The following PCDHA13 variants were observed in gnomAD, a reference collection of about 807,000 sequenced individuals.
The protein encoded by PCDHA13 is protocadherin alpha-13.
PCDHA13 carries 54 observed loss-of-function variants against 64.8 expected under a neutral mutation model. The ratio of observed to expected loss-of-function variants is 0.83; its 90% CI spans 0.67 to 1.04. PCDHA13 has a LOEUF of 1.04. Ranked by LOEUF, PCDHA13 falls within the 50% of genes least tolerant of loss-of-function variation. The pLI is 0.00. For synonymous variants in PCDHA13, 587 were observed against 564.4 expected (o/e 1.04, Z -0.57); for missense variants, 1,248 against 1,254.3 (o/e 0.99, Z 0.08).
At chr5:140,951,723 A>C (rs1364455679) in intron 1 of PCDHA13, among the ~76,000 whole-genome samples, 1 of 152,104 alleles carries the variant, frequency 6.6e-6, no homozygotes, top group African/African-American at 2.4e-5. Context: ...GATCCAAACC[A>C]TGTCATTCTG....
rs146587864 is a variant in PCDHA13 at position 140,950,030 on chromosome 5, A to G, written c.2395-28919A>G. Among the ~76,000 whole-genome samples the G allele has an allele frequency of 2.6e-4, 39 of 152,064 alleles. 1 individual carries two copies. The East Asian group carries it at 4.8e-3, about 19-fold the overall frequency. On this transcript the variant is annotated intron_variant, in intron 1 of 3. Transcript: ENST00000289272. ...TGTACAACCTTCATAAAATATAGAA[A>G]AGTTACAACCATATAAGACTATTTA...
rs1032045343 is a variant in PCDHA13 at position 140,949,549 on chromosome 5, G to A, written c.2395-29400G>A. On this transcript the variant is annotated intron_variant, in intron 1 of 3. Transcript: ENST00000289272. Reference sequence around the variant, plus strand: ...CTTCATAAAATATCGATTTGTTGCTGGTCATACTTTTTTTCTTGTAGTAGC... The same window carrying A: ...CTTCATAAAATATCGATTTGTTGCTAGTCATACTTTTTTTCTTGTAGTAGC... Among the ~76,000 whole-genome samples the A allele has an allele frequency of 2.0e-5, 3 of 151,684 alleles. No homozygotes were observed. In the South Asian group the frequency reaches 6.2e-4, roughly 31 times the overall value.
intron 1 of PCDHA13, among the ~76,000 whole-genome samples, chr5:140,890,620 A>G (rs1554184472): frequency 6.6e-6 from 1 of 152,196 alleles, no homozygotes; most frequent in East Asian, 1.9e-4. Flanking sequence ...TTACCCTAGA[A>G]AATTAAGCAT....
intron 1 of PCDHA13, among the ~76,000 whole-genome samples, chr5:140,975,638 C>T (rs1256768090): frequency 6.6e-6 from 1 of 152,130 alleles, no homozygotes; most frequent in Non-Finnish European, 1.5e-5. Context: ...ACGAAGATAG[C>T]ATATTATTTC....
At chr5:140,889,637 G>A (rs184352635) in intron 1 of PCDHA13, among the ~76,000 whole-genome samples, 5 of 151,668 alleles carry the variant, frequency 3.3e-5, no homozygotes, top group Admixed American at 3.3e-4. Context: ...CTTTTCATTT[G>A]TGTTTGCAGG....
At chr5:140,941,987 G>A (rs1315027422) in intron 1 of PCDHA13, among the ~76,000 whole-genome samples, 1 of 152,104 alleles carries the variant, frequency 6.6e-6, no homozygotes, top group Non-Finnish European at 1.5e-5. Flanking sequence ...ACCTTGATAA[G>A]GGATTCATAT....
intron 1 of PCDHA13, among the ~76,000 whole-genome samples, chr5:140,925,742 AAG>A (rs1403200881): frequency 2.0e-5 from 3 of 151,862 alleles, no homozygotes; most frequent in South Asian, 4.2e-4. Context: ...TATTTACAGA[AAG>A]AAAATTTACA....
intron 3 of PCDHA13, among the ~76,000 whole-genome samples, chr5:141,007,101 A>T (rs1412645072): frequency 6.6e-5 from 10 of 152,188 alleles, no homozygotes; most frequent in African/African-American, 1.7e-4. Flanking sequence ...TCTAGGGCCA[A>T]ACCCAAGGAA....
rs782703183 is a variant in PCDHA13 at position 140,882,765 on chromosome 5, C to A, written c.497C>A (p.Ser166Ter). Residue 166 changes from serine to a stop codon, truncating the protein, a stop_gained, in exon 1 of 4, where the codon TCG (serine) becomes TAG (stop). Transcript: ENST00000289272. LOFTEE classifies it high-confidence loss of function. ...TCCGATGCAGATATTGGAGTAAACT[C>A]GGCATTGACCTACCGACTGGATCCC... Reference protein sequence around the residue: ...GASDADIGVNSALTYRLDPND... With the variant: ...GASDADIGVN 1.5e-5 allele frequency: 25 copies of A among 1,614,104 alleles called. No individual in the cohort carries two copies. In the South Asian group the frequency reaches 2.7e-4, roughly 18 times the overall value.
At chr5:140,957,852 AT>A (rs5871756) in intron 1 of PCDHA13, among the ~76,000 whole-genome samples, 2 of 151,658 alleles carry the variant, frequency 1.3e-5, no homozygotes, top group African/African-American at 2.4e-5. Context: ...GAGTTTGTGT[AT>A]TTTTTTTCCT....
chr5:140,969,019 G>A (rs782394566), intron 1 of PCDHA13: 61 of 1,614,046 alleles, frequency 3.8e-5, no homozygotes, highest in Non-Finnish European at 4.7e-5. Flanking sequence ...TAAGGGAAAG[G>A]TCCCCTGCAG....
At chr5:141,003,938 G>A (rs1195315346) in intron 3 of PCDHA13, among the ~76,000 whole-genome samples, 1 of 152,178 alleles carries the variant, frequency 6.6e-6, no homozygotes, top group Non-Finnish European at 1.5e-5. Flanking sequence ...GTCTTTGCCT[G>A]AGGGTGAGCT....
rs370111655 is a variant in PCDHA13, at chr5:140,902,185, TTCTC to T, written c.2394+17535_2394+17538del. Reference sequence around the variant, plus strand: ...TTCTAATTTGGATGTCCTTTATGTCTTCTCTCTCTCTCTCTTTCTTTTTTTTTTT... The same window carrying T: ...TTCTAATTTGGATGTCCTTTATGTCTTCTCTCTCTCTTTCTTTTTTTTTTT... On this transcript the variant is annotated intron_variant, in intron 1 of 3. Coordinates refer to ENST00000289272, the MANE Select transcript of PCDHA13 (RefSeq NM_018904.3). Among the ~76,000 whole-genome samples, 704 of 150,894 alleles carry T rather than the reference TTCTC, an allele frequency of 4.7e-3. 6 individuals carry two copies. Among genetic ancestry groups the T allele is most frequent in the African/African-American group, 0.015 (608 of 41,076 alleles).
chr5:140,950,738 T>C (rs900517873), intron 1 of PCDHA13, among the ~76,000 whole-genome samples: 5 of 152,150 alleles, frequency 3.3e-5, no homozygotes, highest in African/African-American at 7.2e-5. Flanking sequence ...TTAATCCTAA[T>C]TTCTCTCTAT....
At chr5:140,896,451 C>T (rs1173407136) in intron 1 of PCDHA13, among the ~76,000 whole-genome samples, 1 of 152,112 alleles carries the variant, frequency 6.6e-6, no homozygotes, top group Non-Finnish European at 1.5e-5. Flanking sequence ...CAACCTCCAC[C>T]TCCTGGGTTC....
rs572273107 is a variant in PCDHA13, at chr5:140,941,410, G to A, written c.2395-37539G>A. 1.3e-4 allele frequency among the ~76,000 whole-genome samples: 19 copies of A among 147,656 alleles called. 1 individual carries two copies. In the South Asian group the frequency reaches 3.3e-3, roughly 26 times the overall value. ...TGGCTCACTGCAACCTCCGCCTCCC[G>A]GGTTCAAGCAATTCTCTGCCTCAGC... On this transcript the variant is annotated intron_variant, in intron 1 of 3. Transcript: ENST00000289272.
chr5:141,011,890 A>G lies in PCDHA13; in HGVS notation c.*1953A>G, dbSNP rs7701616. 0.061 allele frequency: 9,307 copies of G among 153,488 alleles called. 355 individuals carry two copies. The highest frequency in any genetic ancestry group is 0.11 in the South Asian group (541 of 4,828). The allele number at this position is 153,488 out of a possible 1,614,324, so 9.5% of individuals were successfully genotyped here. On this transcript the variant is annotated 3_prime_UTR_variant, in exon 4 of 4. Coordinates refer to ENST00000289272, the MANE Select transcript of PCDHA13 (RefSeq NM_018904.3). ...GTACAATTTAGAAGTTTGATTAATT[A>G]TATTATCTATTTAGGCATTAATATA... is the stretch of plus-strand genomic sequence containing the variant.
intron 1 of PCDHA13, among the ~76,000 whole-genome samples, chr5:140,974,729 G>C (rs1007565470): frequency 2.6e-5 from 4 of 152,032 alleles, no homozygotes; most frequent in African/African-American, 9.7e-5. Flanking sequence ...TCGAACTCCT[G>C]TCTCCACCTT....
chr5:140,908,416 G>GGAAT (rs1303787034), intron 1 of PCDHA13, among the ~76,000 whole-genome samples: 1 of 152,152 alleles, frequency 6.6e-6, no homozygotes, highest in African/African-American at 2.4e-5. Flanking sequence ...ATTTGATGAT[G>GGAAT]GAATGCTGCT....
Sources: allele counts gnomAD v4.1 joint callset (sites outside exome capture counted in the v4.1 genomes callset), GRCh38; gene constraint gnomAD v4.1.1; transcripts MANE v1.5; gene names NCBI Gene and HGNC (gene_info 2026-07-23, HGNC 2026-07-21).